AGMO: variants seen among roughly 807,000 people sequenced by gnomAD.
AGMO encodes alkylglycerol monooxygenase.
In AGMO, 75 loss-of-function variants were observed where a neutral mutation model predicts 60.2. That is an observed-to-expected ratio of 1.25 (90% confidence interval 1.03 to 1.51). The LOEUF (loss-of-function observed/expected upper bound fraction) is 1.51. Ranked by LOEUF, AGMO falls within the 40% of genes most tolerant of loss-of-function variation. The pLI is 0.00. For missense variants in AGMO, 763 were observed against 525.5 expected, an observed-to-expected ratio of 1.45 and a Z score of -4.42; for synonymous variants, 261 against 177.1, an observed-to-expected ratio of 1.47 and a Z score of -3.76.
In AGMO at chr7:15,346,494, G is replaced by T. The variant is rs117939490; in HGVS notation, c.1263+19020C>A. ...TTATTTAATCTTTTTTCATTAGGAT[G>T]TTTTTAATTGATATTTATTTTCATT... is the stretch of plus-strand genomic sequence containing the variant. On this transcript the variant is annotated intron_variant, in intron 12 of 12. Transcript: ENST00000342526. Among the ~76,000 whole-genome samples the T allele has an allele frequency of 3.7e-3, 558 of 151,632 alleles. 2 individuals carry two copies. Among genetic ancestry groups the T allele is most frequent in the Non-Finnish European group, 5.7e-3 (385 of 67,796 alleles).
At chr7:15,244,820 T>G (rs1017213631) in intron 12 of AGMO, among the ~76,000 whole-genome samples, 2 of 151,964 alleles carry the variant, frequency 1.3e-5, no homozygotes, top group African/African-American at 4.8e-5. Flanking sequence ...CGTGGCTAAT[T>G]TTTTTGTATT....
At chr7:15,396,782 GGAGCTGATTGGTCCGTTTTACAGA>G (rs1361820191) in intron 5 of AGMO, among the ~76,000 whole-genome samples, 1 of 150,860 alleles carries the variant, frequency 6.6e-6, no homozygotes, top group Admixed American at 6.6e-5. Flanking sequence ...CATCTTACAG[GGAGCTGATTGGTCCGTTTTACAGA>G]GAGCTGATTG....
Position 15,288,470 on chromosome 7 carries a change from CTTTTA to C in AGMO, c.1263+77039_1263+77043del, listed in dbSNP as rs138272764. On this transcript the variant is annotated intron_variant, in intron 12 of 12. Coordinates refer to ENST00000342526, the MANE Select transcript of AGMO (RefSeq NM_001004320.2). ...ATTATGAATCTACATAAAAATGAAT[CTTTTA>C]TTTTTTGTTTCCCTTAAGTAGGAAA... Among the ~76,000 whole-genome samples the C allele has an allele frequency of 5.3e-5, 8 of 152,036 alleles. No individual in the cohort carries two copies. The East Asian group carries it at 1.6e-3, about 29-fold the overall frequency.
At chr7:15,224,557 A>C (rs903305938) in intron 12 of AGMO, among the ~76,000 whole-genome samples, 4 of 151,990 alleles carry the variant, frequency 2.6e-5, no homozygotes, top group African/African-American at 9.7e-5. Flanking sequence ...AACCATGAGA[A>C]ATAAATTTCT....
the AGMO span, among the ~76,000 whole-genome samples, chr7:15,182,115 T>G: frequency 6.6e-6 from 1 of 152,216 alleles, no homozygotes; most frequent in Non-Finnish European, 1.5e-5. Context: ...GGAAAAATAT[T>G]ACATAATTCC....
chr7:15,530,605 ACG>A (rs1784284353), intron 3 of AGMO, among the ~76,000 whole-genome samples: 1 of 126,634 alleles, frequency 7.9e-6, no homozygotes, highest in South Asian at 2.4e-4. Flanking sequence ...TATTCTATAT[ACG>A]TATTTCTATA....
chr7:15,556,986 G>T (rs934587224), intron 2 of AGMO, among the ~76,000 whole-genome samples: 3 of 151,944 alleles, frequency 2.0e-5, no homozygotes, highest in African/African-American at 4.8e-5. Flanking sequence ...TGTCCAACAG[G>T]CTTGTAAACA....
chr7:15,245,408 T>A (rs868684844), intron 12 of AGMO, among the ~76,000 whole-genome samples: 2 of 151,950 alleles, frequency 1.3e-5, no homozygotes, highest in Middle Eastern at 3.2e-3. Context: ...TGAGAGGGAG[T>A]TTGAGATTTG....
At chr7:15,377,607 A>G (rs941437810) in intron 10 of AGMO, among the ~76,000 whole-genome samples, 1 of 152,000 alleles carries the variant, frequency 6.6e-6, no homozygotes, top group Admixed American at 6.6e-5. Flanking sequence ...TTATTTAGAG[A>G]TTTTATTTAA....
chr7:15,219,251 A>G (rs1035938108), intron 12 of AGMO, among the ~76,000 whole-genome samples: 1 of 152,200 alleles, frequency 6.6e-6, no homozygotes, highest in Non-Finnish European at 1.5e-5. Flanking sequence ...CACAATTACA[A>G]TGCAGTGTGC....
Position 15,360,011 on chromosome 7 carries a change from T to C in AGMO, c.1263+5503A>G, listed in dbSNP as rs1312969706. Among the ~76,000 whole-genome samples, 5 of 152,324 alleles carry C rather than the reference T, an allele frequency of 3.3e-5. No individual in the cohort carries two copies. In the South Asian group the frequency reaches 6.2e-4, roughly 19 times the overall value. ...TTTATTATATTCTCAGTAGTAATTA[T>C]AGGAGTGGTAATGTTAGTTGTACTG... On this transcript the variant is annotated intron_variant, in intron 12 of 12. Coordinates refer to ENST00000342526, the MANE Select transcript of AGMO (RefSeq NM_001004320.2).
At chr7:15,223,983 T>C (rs965793775) in intron 12 of AGMO, among the ~76,000 whole-genome samples, 7 of 152,074 alleles carry the variant, frequency 4.6e-5, no homozygotes, top group African/African-American at 1.7e-4. Flanking sequence ...CTTTATTATT[T>C]AAAATTCTAT....
the AGMO span, among the ~76,000 whole-genome samples, chr7:15,173,291 C>T: frequency 1.3e-5 from 2 of 152,068 alleles, no homozygotes; most frequent in African/African-American, 4.8e-5. Flanking sequence ...ATTCAAAGGA[C>T]ATTCCTATTT....
chr7:15,398,452 G>T (rs562474783), intron 5 of AGMO, among the ~76,000 whole-genome samples: 1 of 152,114 alleles, frequency 6.6e-6, no homozygotes, highest in African/African-American at 2.4e-5. Flanking sequence ...AGCTGGGGAA[G>T]ACCACCTCTG....
At chr7:15,184,598 GAAGGA>G in the AGMO span, among the ~76,000 whole-genome samples, 1 of 120,742 alleles carries the variant, frequency 8.3e-6, no homozygotes, top group Non-Finnish European at 1.7e-5. Flanking sequence ...GTAAGGAAGG[GAAGGA>G]AAGAAGGAAG....
At chr7:15,554,488 TC>T (rs1475590354) in intron 2 of AGMO, among the ~76,000 whole-genome samples, 3 of 152,066 alleles carry the variant, frequency 2.0e-5, no homozygotes, top group Non-Finnish European at 4.4e-5. Flanking sequence ...AGAGAGACTT[TC>T]CTCCTATTGT....
the AGMO span, among the ~76,000 whole-genome samples, chr7:15,125,935 A>G: frequency 6.6e-6 from 1 of 152,136 alleles, no homozygotes; most frequent in Non-Finnish European, 1.5e-5. Context: ...AATATCTGTA[A>G]GTCACCAAAT....
At position 15,354,297 on chromosome 7, in the gene AGMO, T is replaced by A. The variant is rs185001563; in HGVS notation, c.1263+11217A>T. 4.4e-4 allele frequency among the ~76,000 whole-genome samples: 44 copies of A among 99,940 alleles called. 1 individual carries two copies. The highest frequency in any genetic ancestry group is 2.5e-3 in the Admixed American group (27 of 10,916). 65.6% of individuals were successfully genotyped at this position (99,940 alleles called of 152,430 possible). On this transcript the variant is annotated intron_variant, in intron 12 of 12. Transcript: ENST00000342526. Reference sequence around the variant, plus strand: ...ATGTATATCACGAATGAGATAAATATATATACGTGTATACACGCGTGTATA... The same window carrying A: ...ATGTATATCACGAATGAGATAAATAAATATACGTGTATACACGCGTGTATA...
intron 10 of AGMO, among the ~76,000 whole-genome samples, chr7:15,373,553 A>G (rs1028803994): frequency 6.6e-6 from 1 of 152,154 alleles, no homozygotes; most frequent in Admixed American, 6.5e-5. Context: ...CTTCTTGAAG[A>G]GGACTATCAC....
Sources: gnomAD v4.1 joint callset for allele counts (sites outside exome capture counted in the v4.1 genomes callset) on GRCh38, gnomAD v4.1.1 for gene constraint, MANE v1.5 for transcripts, NCBI Gene and HGNC (gene_info 2026-07-23, HGNC 2026-07-21) for gene names.